The following WWOX variants were observed in gnomAD, a reference collection of about 807,000 sequenced individuals.
The protein encoded by WWOX is WW domain-containing oxidoreductase.
WWOX carries 69 observed loss-of-function variants against 46.2 expected under a neutral mutation model. The ratio of observed to expected loss-of-function variants is 1.49; its 90% CI spans 1.23 to 1.82. The LOEUF is 1.82. Among genes scored for constraint, WWOX ranks in the 40% most tolerant of loss-of-function variants. The pLI, the probability that WWOX is intolerant of heterozygous loss-of-function variation, is 0.00. For missense variants in WWOX, 919 were observed against 542.6 expected (o/e 1.69, Z -6.89); for synonymous variants, 359 against 202.6 (o/e 1.77, Z -6.56).
At chr16:78,997,533 C>G (rs748072521) in intron 8 of WWOX, among the ~76,000 whole-genome samples, 1 of 152,162 alleles carries the variant, frequency 6.6e-6, no homozygotes, top group Non-Finnish European at 1.5e-5. Flanking sequence ...TTTGCTCTTT[C>G]TGGCTTTCAC....
rs536911056 is a variant in WWOX, at chr16:78,741,286, C to T, written c.1056+308534C>T. 4.6e-5 allele frequency among the ~76,000 whole-genome samples: 7 copies of T among 152,304 alleles called. No homozygotes were observed. In the South Asian group the frequency reaches 6.2e-4, roughly 14 times the overall value. ...ATAAAATTGCAGGATGCTGGTCAGG[C>T]GCGGTGGCTCACGCCTGTAATCCCA... On this transcript the variant is annotated intron_variant, in intron 8 of 8. Coordinates refer to ENST00000566780, the MANE Select transcript of WWOX (RefSeq NM_016373.4).
intron 8 of WWOX, chr16:78,825,940 C>T (rs917279997): frequency 2.5e-6 from 2 of 804,842 alleles, no homozygotes; most frequent in African/African-American, 1.7e-5. Context: ...CCACCACTCC[C>T]ATCTCAGAAC....
intron 8 of WWOX, among the ~76,000 whole-genome samples, chr16:78,727,828 G>A (rs909632181): frequency 5.3e-5 from 8 of 152,002 alleles, no homozygotes; most frequent in Middle Eastern, 3.4e-3. Context: ...TGCCTGCCTT[G>A]CTCTACATCA....
chr16:78,214,657 C>T (rs1398730204), intron 5 of WWOX, among the ~76,000 whole-genome samples: 1 of 152,180 alleles, frequency 6.6e-6, no homozygotes, highest in Non-Finnish European at 1.5e-5. Flanking sequence ...GCTAAGCCTG[C>T]TAAAAGCAAG....
chr16:78,819,467 A>C (rs534183018), intron 8 of WWOX, among the ~76,000 whole-genome samples: 49 of 152,216 alleles, frequency 3.2e-4, no homozygotes, highest in African/African-American at 1.1e-3. Flanking sequence ...GGAAGTTACC[A>C]CCCTTTTTCT....
rs142121755 is a variant in WWOX, at chr16:79,200,269, C to A, written c.1057-11339C>A. Among the ~76,000 whole-genome samples, 296 of 152,250 alleles carry A rather than the reference C, an allele frequency of 1.9e-3. 1 individual carries two copies. The highest frequency in any genetic ancestry group is 6.8e-3 in the African/African-American group (282 of 41,526). On this transcript the variant is annotated intron_variant, in intron 8 of 8. Transcript: ENST00000566780. ...GGTCCCTGCTGGTCTGTGGAGAGGG[C>A]CTTGGCCACCAGAGGGATCAAATGG...
At chr16:78,947,212 TC>T (rs1291709355) in intron 8 of WWOX, among the ~76,000 whole-genome samples, 1 of 151,988 alleles carries the variant, frequency 6.6e-6, no homozygotes, top group Non-Finnish European at 1.5e-5. Flanking sequence ...ATTAGGATAA[TC>T]CAACTGGAGG....
At chr16:78,970,951 A>T (rs1437529009) in intron 8 of WWOX, among the ~76,000 whole-genome samples, 1 of 151,950 alleles carries the variant, frequency 6.6e-6, no homozygotes. Context: ...TCTGCAGCAG[A>T]TTTTCTCTAC....
chr16:79,141,769 A>T (rs556419206), intron 8 of WWOX, among the ~76,000 whole-genome samples: 6 of 151,308 alleles, frequency 4.0e-5, no homozygotes, highest in African/African-American at 1.5e-4. Context: ...CATTAGGATG[A>T]CTCTCCATTG....
At position 78,891,691 on chromosome 16, in the gene WWOX, C is replaced by T. The variant is rs191661701; in HGVS notation, c.1057-319917C>T. ...TTAGCAGCTAAGCTGTCTGTTTGCTCTAACATCCTTCTTTTCTAAATTGGT... is the reference window on the plus strand; with the variant it reads ...TTAGCAGCTAAGCTGTCTGTTTGCTTTAACATCCTTCTTTTCTAAATTGGT... On this transcript the variant is annotated intron_variant, in intron 8 of 8. Coordinates refer to ENST00000566780, the MANE Select transcript of WWOX (RefSeq NM_016373.4). The T allele has an allele frequency of 8.5e-5, 13 of 152,276 alleles. No homozygotes were observed. In the East Asian group the frequency reaches 2.5e-3, roughly 29 times the overall value. The allele number at this position is 152,276 out of a possible 1,614,324, so 9.4% of individuals were successfully genotyped here. A position where few individuals can be genotyped will look rare whatever the true frequency, so the allele number is the denominator to read the frequency against.
intron 8 of WWOX, among the ~76,000 whole-genome samples, chr16:78,545,185 A>T (rs1446920935): frequency 6.6e-6 from 1 of 152,080 alleles, no homozygotes; most frequent in Non-Finnish European, 1.5e-5. Context: ...CACTGGTACC[A>T]CTGTGGCCAG....
At chr16:78,190,969 C>A (rs887841218) in intron 5 of WWOX, among the ~76,000 whole-genome samples, 1 of 152,174 alleles carries the variant, frequency 6.6e-6, no homozygotes, top group Non-Finnish European at 1.5e-5. Context: ...AGGACCTTTA[C>A]TTGAGTCTTG....
At chr16:78,965,200 T>C (rs2046342312) in intron 8 of WWOX, among the ~76,000 whole-genome samples, 1 of 152,202 alleles carries the variant, frequency 6.6e-6, no homozygotes, top group African/African-American at 2.4e-5. Flanking sequence ...CTCATATGTT[T>C]CCATCAGTAA....
At chr16:78,100,165 C>T (rs1310032088) in intron 1 of WWOX, 1 of 1,290,286 alleles carries the variant, frequency 7.8e-7, no homozygotes, top group East Asian at 4.0e-5. Flanking sequence ...GCGGCCTCAT[C>T]CCCGCCAAAA....
intron 8 of WWOX, among the ~76,000 whole-genome samples, chr16:79,075,970 G>A (rs59301717): frequency 2.0e-5 from 3 of 152,124 alleles, no homozygotes; most frequent in African/African-American, 7.2e-5. Context: ...GGAGTCCCCA[G>A]TTTTCAACAT....
chr16:79,094,415 A>G (rs995671988), intron 8 of WWOX, among the ~76,000 whole-genome samples: 2 of 151,704 alleles, frequency 1.3e-5, no homozygotes. Flanking sequence ...ATGTCCAGCT[A>G]ATTTTTTTGT....
chr16:78,572,089 T>G (rs2151574731), intron 8 of WWOX, among the ~76,000 whole-genome samples: 1 of 152,290 alleles, frequency 6.6e-6, no homozygotes, highest in South Asian at 2.1e-4. Context: ...AAAGATGCCT[T>G]AGAGAAACTG....
chr16:78,689,776 A>G (rs2047943746), intron 8 of WWOX, among the ~76,000 whole-genome samples: 1 of 152,104 alleles, frequency 6.6e-6, no homozygotes, highest in Non-Finnish European at 1.5e-5. Flanking sequence ...CCCTATTGCA[A>G]CAGCCTTGAC....
At chr16:79,096,507 C>G (rs1319644967) in intron 8 of WWOX, among the ~76,000 whole-genome samples, 2 of 152,180 alleles carry the variant, frequency 1.3e-5, no homozygotes, top group African/African-American at 4.8e-5. Context: ...CCTTCAACAG[C>G]TACAGGGCTG....
Sources: gnomAD v4.1 joint callset for allele counts (sites outside exome capture counted in the v4.1 genomes callset) on GRCh38, gnomAD v4.1.1 for gene constraint, MANE v1.5 for transcripts, NCBI Gene and HGNC (gene_info 2026-07-23, HGNC 2026-07-21) for gene names.